The following SCML2 variants were observed in gnomAD, a reference collection of about 807,000 sequenced individuals.
The protein encoded by SCML2 is Scm polycomb group protein like 2.
In SCML2, 6 loss-of-function variants were observed where a neutral mutation model predicts 48.4. That is an observed-to-expected ratio of 0.12 (90% CI 0.07 to 0.24). The LOEUF (loss-of-function observed/expected upper bound fraction) is 0.24, where lower values mean the gene tolerates loss of function less well. SCML2 is among the 10% of genes least tolerant of loss of function. The pLI, the probability that SCML2 is intolerant of heterozygous loss-of-function variation, is 1.00. For missense variants in SCML2, 377 were observed against 528.2 expected, an observed-to-expected ratio of 0.71 and a Z score of 2.81; for synonymous variants, 181 against 189.5, an observed-to-expected ratio of 0.95 and a Z score of 0.37.
intron 5 of SCML2, among the ~76,000 whole-genome samples, chrX:18,322,025 T>C (rs900156904): frequency 4.5e-5 from 5 of 112,090 alleles, no homozygotes; most frequent in Admixed American, 9.5e-5. Context: ...GATGTGTTCA[T>C]TTATAAGCTA....
chrX:18,287,818 GTTTT>G (rs1928106859), intron 7 of SCML2, among the ~76,000 whole-genome samples: 1 of 111,324 alleles, frequency 9.0e-6, no homozygotes, highest in African/African-American at 3.3e-5. Context: ...TAAGAATCTT[GTTTT>G]TAAAACATGT....
chrX:18,271,672 C>T (rs1041355899), intron 7 of SCML2, among the ~76,000 whole-genome samples: 4 of 109,273 alleles, frequency 3.7e-5, no homozygotes, highest in African/African-American at 1.3e-4. Context: ...CCCCCCTGCC[C>T]AGTGGATGCC....
At chrX:18,296,572 C>A (rs754121797) in intron 7 of SCML2, among the ~76,000 whole-genome samples, 52 of 111,198 alleles carry the variant, frequency 4.7e-4, no homozygotes, top group Non-Finnish European at 8.9e-4. Flanking sequence ...AGAGACATCA[C>A]AACAAAAGCT....
chrX:18,329,123 C>T (rs1287394900), intron 3 of SCML2, among the ~76,000 whole-genome samples: 1 of 111,251 alleles, frequency 9.0e-6, no homozygotes, highest in Non-Finnish European at 1.9e-5. Context: ...TACTGAAAAC[C>T]ATTGAATTGT....
At chrX:18,278,140 A>C (rs2009271) in intron 7 of SCML2, among the ~76,000 whole-genome samples, 17,740 of 111,686 alleles carry the variant, frequency 0.16, 1,258 homozygotes, top group Middle Eastern at 0.31. Flanking sequence ...CCTGGGCAAC[A>C]GAGTGAGACC....
chrX:18,342,079 A>G (rs759165785), intron 1 of SCML2, among the ~76,000 whole-genome samples: 6 of 112,275 alleles, frequency 5.3e-5, no homozygotes, highest in Non-Finnish European at 7.5e-5. Context: ...ACACATTTCC[A>G]CAGTGGTAGT....
intron 6 of SCML2, among the ~76,000 whole-genome samples, chrX:18,305,620 A>G (rs1602121542): frequency 8.9e-6 from 1 of 111,826 alleles, no homozygotes; most frequent in East Asian, 2.8e-4. Flanking sequence ...AAATTTTACA[A>G]CAGGCAGTCA....
chrX:18,297,901 C>T lies in SCML2; in HGVS notation c.730+7071G>A, dbSNP rs1074394. 6.6e-3 allele frequency among the ~76,000 whole-genome samples: 738 copies of T among 111,049 alleles called. 5 individuals carry two copies. Among genetic ancestry groups the T allele is most frequent in the African/African-American group, 0.023 (693 of 30,512 alleles). On this transcript the variant is annotated intron_variant, in intron 7 of 14. Coordinates refer to ENST00000251900, the MANE Select transcript of SCML2 (RefSeq NM_006089.3). ...ACACATGCCTGTAGTCCCAGCTACT[C>T]AGAAGGCTGAGGTGGGAGGATTGTT...
intron 1 of SCML2, among the ~76,000 whole-genome samples, chrX:18,339,051 T>C (rs1929930502): frequency 9.0e-6 from 1 of 110,719 alleles, no homozygotes; most frequent in Non-Finnish European, 1.9e-5. Context: ...TTCCTGAAAT[T>C]AGTGAGTTTT....
intron 1 of SCML2, among the ~76,000 whole-genome samples, chrX:18,337,324 A>AAC (rs1408396753): frequency 9.7e-6 from 1 of 103,487 alleles, no homozygotes; most frequent in African/African-American, 3.5e-5. Context: ...AAAAAAAAAA[A>AAC]AAAAAAAAAC....
chrX:18,288,921 G>A (rs762100145), intron 7 of SCML2, among the ~76,000 whole-genome samples: 12 of 111,313 alleles, frequency 1.1e-4, no homozygotes, highest in Admixed American at 3.8e-4. Flanking sequence ...AGTGGGAGGA[G>A]GGGACTAAGG....
chrX:18,262,466 G>C (rs1927103058), intron 8 of SCML2, among the ~76,000 whole-genome samples: 1 of 101,715 alleles, frequency 9.8e-6, no homozygotes, highest in Non-Finnish European at 1.9e-5. Context: ...TCAGCTTCCT[G>C]AGTAGCTGGG....
rs186415941 is a variant in SCML2, at chrX:18,303,920, C to T, written c.730+1052G>A. Among the ~76,000 whole-genome samples, 188 of 112,382 alleles carry T rather than the reference C, an allele frequency of 1.7e-3. 1 individual carries two copies. Among genetic ancestry groups the T allele is most frequent in the Non-Finnish European group, 1.6e-3 (86 of 53,288 alleles). On this transcript the variant is annotated intron_variant, in intron 7 of 14. Coordinates refer to ENST00000251900, the MANE Select transcript of SCML2 (RefSeq NM_006089.3). Reference sequence around the variant, plus strand: ...TAAGCTCTTACCTAGACATTATACTCCTCTGCACACTTTGCGTACTTATTT... The same window carrying T: ...TAAGCTCTTACCTAGACATTATACTTCTCTGCACACTTTGCGTACTTATTT...
In SCML2 at chrX:18,330,462, C is replaced by T. The variant is rs1602141181; in HGVS notation, c.91+125G>A. On this transcript the variant is annotated intron_variant, in intron 3 of 14. Transcript: ENST00000251900. ...CCTTTCTTATTACATTTTGTATTTA[C>T]AGAAGTTTACAGTATACAGACTGTA... The T allele has an allele frequency of 1.2e-5, 4 of 326,394 alleles. No individual in the cohort carries two copies. The East Asian group carries it at 1.4e-4, about 12-fold the overall frequency. 26.9% of individuals were successfully genotyped at this position (326,394 alleles called of 1,213,427 possible). A position where few individuals can be genotyped will look rare whatever the true frequency, so the allele number is the denominator to read the frequency against.
intron 11 of SCML2, among the ~76,000 whole-genome samples, chrX:18,252,834 CAG>C (rs1569137821): frequency 1.8e-5 from 2 of 112,234 alleles, no homozygotes; most frequent in African/African-American, 6.5e-5. Context: ...AGTGACAAAT[CAG>C]AAACTCAAAC....
At chrX:18,319,595 C>CAAAAA (rs1354418550) in intron 6 of SCML2, among the ~76,000 whole-genome samples, 1 of 34,015 alleles carries the variant, frequency 2.9e-5, no homozygotes, top group African/African-American at 1.0e-4. Flanking sequence ...GACTCTGTCT[C>CAAAAA]AAAAAAAAAA....
chrX:18,249,228 T>C (rs1926558823), intron 11 of SCML2, among the ~76,000 whole-genome samples: 1 of 111,958 alleles, frequency 8.9e-6, no homozygotes, highest in South Asian at 3.7e-4. Context: ...GAAAAATGGA[T>C]GGATCTCAGA....
intron 6 of SCML2, among the ~76,000 whole-genome samples, chrX:18,315,050 A>C (rs777564766): frequency 1.9e-5 from 2 of 103,562 alleles, no homozygotes; most frequent in Admixed American, 2.1e-4. Flanking sequence ...AGTGAAGTGA[A>C]ATTGTACCAC....
At chrX:18,309,512 A>C (rs1387860020) in intron 6 of SCML2, among the ~76,000 whole-genome samples, 1 of 112,130 alleles carries the variant, frequency 8.9e-6, no homozygotes. Flanking sequence ...ATAATGGCAA[A>C]GATGTGGAAT....
Sources: gnomAD v4.1 joint callset for allele counts (sites outside exome capture counted in the v4.1 genomes callset) on GRCh38, gnomAD v4.1.1 for gene constraint, MANE v1.5 for transcripts, NCBI Gene and HGNC (gene_info 2026-07-23, HGNC 2026-07-21) for gene names.